The following GPATCH2 variants were observed in gnomAD, a reference collection of about 807,000 sequenced individuals.
GPATCH2 encodes the protein G patch domain-containing protein 2.
GPATCH2 carries 51 observed loss-of-function variants against 58.0 expected under a neutral mutation model. The observed-to-expected ratio is 0.88, with a 90% CI of 0.70 to 1.11. The LOEUF (loss-of-function observed/expected upper bound fraction) is 1.11, where lower values mean the gene tolerates loss of function less well. GPATCH2 is among the 50% of genes most tolerant of loss of function. The pLI is 0.00. For synonymous variants in GPATCH2, 222 were observed against 218.5 expected, an observed-to-expected ratio of 1.02 and a Z score of -0.14; for missense variants, 625 against 652.2, an observed-to-expected ratio of 0.96 and a Z score of 0.45.
At chr1:217,454,073 A>G (rs1251183009) in intron 8 of GPATCH2, among the ~76,000 whole-genome samples, 2 of 152,090 alleles carry the variant, frequency 1.3e-5, no homozygotes, top group African/African-American at 4.8e-5. Context: ...TGGCAGAGAT[A>G]AGGATGGGGG....
intron 6 of GPATCH2, among the ~76,000 whole-genome samples, chr1:217,504,451 A>C (rs894566045): frequency 6.6e-6 from 1 of 152,210 alleles, no homozygotes; most frequent in African/African-American, 2.4e-5. Context: ...TCCTTGAGAA[A>C]AGGATAATGA....
At chr1:217,486,169 C>A (rs1244933762) in intron 8 of GPATCH2, among the ~76,000 whole-genome samples, 3 of 152,146 alleles carry the variant, frequency 2.0e-5, no homozygotes, top group Non-Finnish European at 4.4e-5. Flanking sequence ...CAAGGTGTAT[C>A]TCTCCAGTTA....
intron 3 of GPATCH2, among the ~76,000 whole-genome samples, chr1:217,611,439 A>G (rs1668627125): frequency 6.6e-6 from 1 of 152,186 alleles, no homozygotes; most frequent in Admixed American, 6.5e-5. Context: ...AGCAACAAAA[A>G]CACAAAATAT....
intron 5 of GPATCH2, among the ~76,000 whole-genome samples, chr1:217,515,093 C>T (rs1437955370): frequency 1.3e-5 from 2 of 151,492 alleles, no homozygotes; most frequent in African/African-American, 2.4e-5. Flanking sequence ...TGTATTTCCT[C>T]TGCTAGATTT....
chr1:217,547,496 A>G (rs531082706), intron 5 of GPATCH2, among the ~76,000 whole-genome samples: 18 of 152,302 alleles, frequency 1.2e-4, no homozygotes, highest in African/African-American at 4.3e-4. Flanking sequence ...CAGAAATACC[A>G]TTCGATCCAG....
intron 5 of GPATCH2, among the ~76,000 whole-genome samples, chr1:217,591,014 ATATTT>A (rs1227381418): frequency 6.6e-6 from 1 of 152,184 alleles, no homozygotes; most frequent in Non-Finnish European, 1.5e-5. Context: ...AAAATAGTTT[ATATTT>A]TATTTTGTAA....
intron 7 of GPATCH2, among the ~76,000 whole-genome samples, chr1:217,494,836 A>C (rs976837529): frequency 7.2e-5 from 11 of 152,064 alleles, no homozygotes; most frequent in African/African-American, 2.4e-4. Context: ...TCTAATAAGC[A>C]AGAGCAGCTC....
chr1:217,570,058 A>C (rs993714300), intron 5 of GPATCH2, among the ~76,000 whole-genome samples: 6 of 152,296 alleles, frequency 3.9e-5, no homozygotes, highest in African/African-American at 7.2e-5. Context: ...TATGGGTAAC[A>C]ATATTTACAT....
In GPATCH2 at chr1:217,620,080, C is replaced by A. The variant is rs150988724; in HGVS notation, c.476G>T (p.Arg159Leu). 6.2e-7 allele frequency: 1 copy of A among 1,613,984 alleles called. No individual in the cohort carries two copies. Among genetic ancestry groups the A allele is most frequent in the Non-Finnish European group, 8.5e-7 (1 of 1,180,002 alleles). ...CATGCGTTTTACCTTTCTCCTCCTGCGCAGAGTTCTATTCCCAACATTGTC... is the reference window on the plus strand; with the variant it reads ...CATGCGTTTTACCTTTCTCCTCCTGAGCAGAGTTCTATTCCCAACATTGTC... ...AVDNVGNRTL[R>L]RRRKVKRMAV... Residue 159 changes from arginine (R) to leucine (L), a missense_variant, in exon 2 of 10, where the codon CGC (arginine) becomes CTC (leucine). Transcript: ENST00000366935.
At chr1:217,533,601 C>T (rs929544920) in intron 5 of GPATCH2, among the ~76,000 whole-genome samples, 9 of 152,294 alleles carry the variant, frequency 5.9e-5, no homozygotes, top group Admixed American at 1.3e-4. Context: ...TCTTAATCAA[C>T]TTTGTTTCTC....
At chr1:217,623,673 G>A (rs1391230059) in intron 1 of GPATCH2, among the ~76,000 whole-genome samples, 3 of 152,156 alleles carry the variant, frequency 2.0e-5, no homozygotes, top group South Asian at 2.1e-4. Flanking sequence ...AGGCTAAGGC[G>A]GGCAGATCAC....
intron 8 of GPATCH2, among the ~76,000 whole-genome samples, chr1:217,470,606 G>T (rs1185811338): frequency 1.3e-5 from 2 of 152,030 alleles, no homozygotes; most frequent in Non-Finnish European, 2.9e-5. Flanking sequence ...TAAAATCTTG[G>T]CAAGGAAGAA....
At chr1:217,484,951 T>C (rs1661392106) in intron 8 of GPATCH2, among the ~76,000 whole-genome samples, 2 of 152,146 alleles carry the variant, frequency 1.3e-5, no homozygotes, top group South Asian at 4.1e-4. Flanking sequence ...TTTAGGTCTG[T>C]TATCCATGTG....
At chr1:217,437,468 G>C (rs541988153) in intron 9 of GPATCH2, among the ~76,000 whole-genome samples, 84 of 152,302 alleles carry the variant, frequency 5.5e-4, no homozygotes, top group Admixed American at 1.8e-3. Context: ...AGCCCAACAA[G>C]CTAAGATCCA....
At chr1:217,437,727 C>A (rs769224914) in intron 9 of GPATCH2, among the ~76,000 whole-genome samples, 6 of 152,178 alleles carry the variant, frequency 3.9e-5, no homozygotes, top group Non-Finnish European at 8.8e-5. Flanking sequence ...AATGCAGCAG[C>A]CCCAGTAAGG....
At chr1:217,507,589 C>T (rs1009697788) in intron 6 of GPATCH2, among the ~76,000 whole-genome samples, 1 of 152,126 alleles carries the variant, frequency 6.6e-6, no homozygotes, top group African/African-American at 2.4e-5. Flanking sequence ...TAAAACAACA[C>T]TAATAAATTG....
At chr1:217,506,802 A>G (rs77063377) in intron 6 of GPATCH2, among the ~76,000 whole-genome samples, 2,190 of 152,232 alleles carry the variant, frequency 0.014, 16 homozygotes, top group Non-Finnish European at 0.023. Context: ...AGAATCCTTT[A>G]GTTTCTTGAA....
chr1:217,463,641 CAAAAAAAAAAAAAAAAAA>C lies in GPATCH2; in HGVS notation c.1278-14322_1278-14305del, dbSNP rs201402598. 6.2e-3 allele frequency among the ~76,000 whole-genome samples: 509 copies of C among 82,510 alleles called. 4 individuals are homozygous for C. The highest frequency in any genetic ancestry group is 0.019 in the South Asian group (47 of 2,480). The allele number at this position is 82,510 out of a possible 152,430, so 54.1% of individuals were successfully genotyped here. ...GCAACATAGCAAGAACTTATCACTC[CAAAAAAAAAAAAAAAAAA>C]AAAAAAAAAAAAAAAGGCAGGCATA... On this transcript the variant is annotated intron_variant, in intron 8 of 9. Transcript: ENST00000366935.
rs185414452 is a variant in GPATCH2, at chr1:217,601,942, T to C, written c.1098+8379A>G. Among the ~76,000 whole-genome samples the C allele has an allele frequency of 2.0e-5, 3 of 152,264 alleles. No homozygotes were observed. In the East Asian group the frequency reaches 5.8e-4, roughly 29 times the overall value. ...TATCTGATACTGGTATTACCTAGTA[T>C]CAAAAATCTTTGTTAAACGAGTGGA... On this transcript the variant is annotated intron_variant, in intron 5 of 9. Coordinates refer to ENST00000366935, the MANE Select transcript of GPATCH2 (RefSeq NM_018040.5).
Sources: allele counts gnomAD v4.1 joint callset (sites outside exome capture counted in the v4.1 genomes callset), GRCh38; gene constraint gnomAD v4.1.1; transcripts MANE v1.5; gene names NCBI Gene and HGNC (gene_info 2026-07-23, HGNC 2026-07-21).